The following JAK1 variants were observed in gnomAD, a reference collection of about 807,000 sequenced individuals.
The protein encoded by JAK1 is Janus kinase 1.
In JAK1, 16 loss-of-function variants were observed where a neutral mutation model predicts 136.6. The ratio of observed to expected loss-of-function variants is 0.12; its 90% CI spans 0.08 to 0.18. JAK1 has a LOEUF of 0.18. Ranked by LOEUF, JAK1 falls within the 10% of genes least tolerant of loss-of-function variation. The probability of loss-of-function intolerance (pLI) is 1.00; values close to 1 mark genes in which losing one functional copy is unlikely to be tolerated. For synonymous variants in JAK1, 492 were observed against 519.5 expected, an observed-to-expected ratio of 0.95 and a Z score of 0.72; for missense variants, 859 against 1,450.1, an observed-to-expected ratio of 0.59 and a Z score of 6.62.
At chr1:64,964,569 T>C (rs1415310332) in intron 1 of JAK1, among the ~76,000 whole-genome samples, 2 of 152,232 alleles carry the variant, frequency 1.3e-5, no homozygotes, top group East Asian at 3.8e-4. Flanking sequence ...CATTTCCCAA[T>C]GGTAGTAAAT....
chr1:64,995,686 C>T (rs938909608), intron 2 of JAK1, among the ~76,000 whole-genome samples: 27 of 152,162 alleles, frequency 1.8e-4, no homozygotes, highest in African/African-American at 6.3e-4. Flanking sequence ...ATTCACATTG[C>T]CTTCAGTTTA....
At chr1:65,066,004 A>G (rs906980732) in intron 1 of JAK1, among the ~76,000 whole-genome samples, 15 of 152,102 alleles carry the variant, frequency 9.9e-5, no homozygotes, top group African/African-American at 3.4e-4. Context: ...GGCTGGGGAC[A>G]GACATGCCAA....
intron 1 of JAK1, among the ~76,000 whole-genome samples, chr1:64,956,338 G>C (rs1646187274): frequency 1.3e-5 from 2 of 152,194 alleles, no homozygotes; most frequent in Admixed American, 1.3e-4. Flanking sequence ...AGGTGTCAAA[G>C]GACACACAGC....
At chr1:65,038,748 C>T (rs762129248) in intron 2 of JAK1, among the ~76,000 whole-genome samples, 1 of 152,142 alleles carries the variant, frequency 6.6e-6, no homozygotes, top group Non-Finnish European at 1.5e-5. Context: ...AAGCAATTCT[C>T]ATGCCTCAGC....
At chr1:64,857,308 T>C (rs1391918835) in intron 10 of JAK1, among the ~76,000 whole-genome samples, 1 of 152,252 alleles carries the variant, frequency 6.6e-6, no homozygotes, top group Non-Finnish European at 1.5e-5. Context: ...ATGGTGGCAC[T>C]GAGTCTAAAT....
Position 64,845,596 on chromosome 1 carries a change from A to G in JAK1, c.2032T>C (p.Phe678Leu), listed in dbSNP as rs1202162519. 1 of 1,614,134 alleles carries G rather than the reference A, an allele frequency of 6.2e-7. No individual in the cohort carries two copies. The highest frequency in any genetic ancestry group is 8.5e-7 in the Non-Finnish European group (1 of 1,180,002). Residue 678 changes from phenylalanine (F) to leucine (L), a missense_variant, in exon 15 of 25, where the codon TTC (phenylalanine) becomes CTC (leucine). Phe to Leu is a conservative substitution (Grantham distance 22). This residue lies in a region of JAK1 where 409 missense variants were observed against 753.8 expected (regional missense o/e 0.54). Transcript: ENST00000342505. ...AGGACATCGCTTTTCCGGTGCATGAAGAGATCCAGAGGACCCCCTTCCACA... is the reference window on the plus strand; with the variant it reads ...AGGACATCGCTTTTCCGGTGCATGAGGAGATCCAGAGGACCCCCTTCCACA... ...EFVEGGPLDLFMHRKSDVLTT... is the reference protein window; with the variant it reads ...EFVEGGPLDLLMHRKSDVLTT...
chr1:64,953,469 C>G (rs1646127318), intron 1 of JAK1, among the ~76,000 whole-genome samples: 1 of 152,102 alleles, frequency 6.6e-6, no homozygotes, highest in African/African-American at 2.4e-5. Context: ...CGCTCAGACC[C>G]ACACAGGTAA....
chr1:64,933,196 A>G (rs768572059), intron 1 of JAK1, among the ~76,000 whole-genome samples: 1 of 152,232 alleles, frequency 6.6e-6, no homozygotes, highest in African/African-American at 2.4e-5. Context: ...ACAAGGTACA[A>G]AGAAGTTAGG....
At chr1:64,907,831 C>G (rs946440140) in intron 1 of JAK1, among the ~76,000 whole-genome samples, 1 of 152,180 alleles carries the variant, frequency 6.6e-6, no homozygotes, top group Admixed American at 6.5e-5. Context: ...ACGCACATGT[C>G]TCTTTACTAT....
At chr1:64,852,518 GCTCAA>G (rs770271583) in intron 11 of JAK1, among the ~76,000 whole-genome samples, 12 of 152,194 alleles carry the variant, frequency 7.9e-5, no homozygotes, top group Non-Finnish European at 1.5e-4. Context: ...GGCAACTCAG[GCTCAA>G]CTCAACTCAG....
intron 1 of JAK1, among the ~76,000 whole-genome samples, chr1:65,066,087 G>A (rs1245967585): frequency 6.6e-6 from 1 of 152,180 alleles, no homozygotes; most frequent in East Asian, 1.9e-4. Flanking sequence ...TAAGAACCCT[G>A]GAGAGCAGGG....
chr1:65,015,297 G>C (rs1444944295), intron 2 of JAK1, among the ~76,000 whole-genome samples: 1 of 152,028 alleles, frequency 6.6e-6, no homozygotes, highest in African/African-American at 2.4e-5. Context: ...AAAAATAAAA[G>C]CATGCAAATT....
At chr1:65,007,444 G>C (rs1166125213) in intron 2 of JAK1, among the ~76,000 whole-genome samples, 2 of 152,002 alleles carry the variant, frequency 1.3e-5, no homozygotes, top group East Asian at 1.9e-4. Context: ...TTCTTTCTTT[G>C]TTGTTTTTTG....
upstream of JAK1, among the ~76,000 whole-genome samples, chr1:64,968,367 A>T (rs984050380): frequency 6.6e-6 from 1 of 152,168 alleles, no homozygotes; most frequent in Non-Finnish European, 1.5e-5. Flanking sequence ...GTAACAATTC[A>T]GTGATTCCCG....
intron 1 of JAK1, among the ~76,000 whole-genome samples, chr1:64,924,319 T>C (rs560811985): frequency 2.4e-4 from 37 of 152,226 alleles, no homozygotes; most frequent in Admixed American, 1.8e-3. Context: ...AGGTTCTAGG[T>C]TCAGAAAATT....
intron 12 of JAK1, among the ~76,000 whole-genome samples, chr1:64,847,900 C>T (rs1349788238): frequency 6.6e-6 from 1 of 152,162 alleles, no homozygotes; most frequent in Non-Finnish European, 1.5e-5. Context: ...TCCTCCTACT[C>T]CCTAAACGGC....
chr1:64,920,821 T>C (rs568581500), intron 1 of JAK1, among the ~76,000 whole-genome samples: 40 of 152,288 alleles, frequency 2.6e-4, no homozygotes, highest in Non-Finnish European at 5.0e-4. Context: ...GGAGTCCATA[T>C]ATTCCTGCTT....
chr1:64,963,903 TCTAACCA>T (rs1646328563), intron 1 of JAK1, among the ~76,000 whole-genome samples: 1 of 152,104 alleles, frequency 6.6e-6, no homozygotes, highest in Non-Finnish European at 1.5e-5. Context: ...ATCCCTAGCC[TCTAACCA>T]CTAGATGCCT....
rs1654614303 is a variant in JAK1 at position 64,838,192 on chromosome 1, C to T, written c.2968-88G>A. ...ACTTCATCAGAAAAAATAGAAATGT[C>T]ATTTCATTCACATATCACTGACAAT... On this transcript the variant is annotated intron_variant, in intron 21 of 24. Coordinates refer to ENST00000342505, the MANE Select transcript of JAK1 (RefSeq NM_002227.4). 6 of 1,319,802 alleles carry T rather than the reference C, an allele frequency of 4.5e-6. No individual in the cohort carries two copies. In the East Asian group the frequency reaches 7.5e-5, roughly 16 times the overall value. 81.8% of individuals were successfully genotyped at this position (1,319,802 alleles called of 1,614,324 possible).
Sources: allele counts gnomAD v4.1 joint callset (sites outside exome capture counted in the v4.1 genomes callset), GRCh38; gene constraint gnomAD v4.1.1; regional missense constraint gnomAD v4.1.1; transcripts MANE v1.5; gene names NCBI Gene and HGNC (gene_info 2026-07-23, HGNC 2026-07-21).